Variants in FGF12 observed in about 807,000 individuals in gnomAD.
FGF12 encodes fibroblast growth factor 12.
Under a neutral mutation model 23.6 loss-of-function variants are expected in FGF12, and 14 were observed. The observed-to-expected ratio is 0.59, with a 90% CI of 0.39 to 0.93. FGF12 has a LOEUF of 0.93. Among genes scored for constraint, FGF12 ranks in the 40% least tolerant of loss-of-function variants. The pLI is 0.00. For missense variants in FGF12, 175 were observed against 217.8 expected, an observed-to-expected ratio of 0.80 and a Z score of 1.24; for synonymous variants, 62 against 77.3, an observed-to-expected ratio of 0.80 and a Z score of 1.04.
chr3:192,726,968 G>T, intron 2 of FGF12: 1 of 617,112 alleles, frequency 1.6e-6, no homozygotes, highest in East Asian at 2.8e-5. Context: ...CTACGCAACT[G>T]ATGGAGTATT....
chr3:192,549,613 T>C (rs893900757), intron 2 of FGF12, among the ~76,000 whole-genome samples: 2 of 152,086 alleles, frequency 1.3e-5, no homozygotes, highest in African/African-American at 4.8e-5. Context: ...GGTATGACTA[T>C]AGGGTGTTTC....
chr3:192,670,102 T>G (rs554030279), intron 2 of FGF12, among the ~76,000 whole-genome samples: 3 of 152,330 alleles, frequency 2.0e-5, no homozygotes, highest in South Asian at 4.1e-4. Context: ...CGAGGCTGGA[T>G]TTTTTAGTAT....
At chr3:192,395,758 G>A (rs1255249860) in intron 2 of FGF12, among the ~76,000 whole-genome samples, 2 of 152,216 alleles carry the variant, frequency 1.3e-5, no homozygotes, top group African/African-American at 4.8e-5. Flanking sequence ...GGAAGGATCT[G>A]AGAAGATCTG....
chr3:192,651,746 A>T (rs1310516921), intron 2 of FGF12, among the ~76,000 whole-genome samples: 2 of 152,200 alleles, frequency 1.3e-5, no homozygotes, highest in African/African-American at 2.4e-5. Flanking sequence ...CAGTTTTCCA[A>T]AACACTCATG....
intron 2 of FGF12, among the ~76,000 whole-genome samples, chr3:192,650,768 A>T (rs1318722336): frequency 6.6e-6 from 1 of 152,208 alleles, no homozygotes; most frequent in East Asian, 1.9e-4. Context: ...AATATTTTTT[A>T]AAATATATAA....
intron 2 of FGF12, among the ~76,000 whole-genome samples, chr3:192,665,743 C>A (rs187312891): frequency 4.0e-5 from 6 of 151,854 alleles, no homozygotes; most frequent in Non-Finnish European, 8.8e-5. Context: ...ATATAACAAA[C>A]CTGCATGTTC....
chr3:192,197,988 G>A (rs1311288456), intron 4 of FGF12, among the ~76,000 whole-genome samples: 3 of 143,156 alleles, frequency 2.1e-5, no homozygotes, highest in Non-Finnish European at 3.0e-5. Flanking sequence ...CGGGGGTCCC[G>A]AGTGCCAAAC....
chr3:192,716,350 T>G (rs1995573), intron 2 of FGF12, among the ~76,000 whole-genome samples: 4,863 of 152,326 alleles, frequency 0.032, 230 homozygotes, highest in East Asian at 0.19. Flanking sequence ...GTCAGGTTCT[T>G]TCTTCTGAAG....
intron 2 of FGF12, among the ~76,000 whole-genome samples, chr3:192,660,219 A>G (rs1577105244): frequency 6.6e-6 from 1 of 151,874 alleles, no homozygotes; most frequent in African/African-American, 2.4e-5. Flanking sequence ...AGGGACATGG[A>G]TGAAGCTGGA....
chr3:192,702,117 A>G (rs952744445), intron 2 of FGF12, among the ~76,000 whole-genome samples: 2 of 152,186 alleles, frequency 1.3e-5, no homozygotes, highest in African/African-American at 4.8e-5. Context: ...GAGATCATGC[A>G]TACTTTCCTT....
chr3:192,306,095 C>T (rs1461108429), intron 4 of FGF12, among the ~76,000 whole-genome samples: 2 of 152,096 alleles, frequency 1.3e-5, no homozygotes, highest in South Asian at 2.1e-4. Flanking sequence ...CTCCTGACCT[C>T]GTGATCCACC....
intron 2 of FGF12, among the ~76,000 whole-genome samples, chr3:192,579,318 AAC>A (rs999436241): frequency 9.9e-5 from 15 of 152,068 alleles, no homozygotes; most frequent in Admixed American, 2.0e-4. Context: ...CAATTCTTAA[AAC>A]ACACACACAC....
chr3:192,456,922 A>G (rs1367587089), intron 2 of FGF12, among the ~76,000 whole-genome samples: 1 of 152,158 alleles, frequency 6.6e-6, no homozygotes, highest in Non-Finnish European at 1.5e-5. Flanking sequence ...TCTCATCTTG[A>G]ATTATACTCC....
chr3:192,624,141 T>C (rs187887487), intron 2 of FGF12, among the ~76,000 whole-genome samples: 3 of 151,902 alleles, frequency 2.0e-5, no homozygotes, highest in East Asian at 1.9e-4. Context: ...ATACTTTCCA[T>C]AGAAATATAC....
At chr3:192,412,891 A>G (rs1721239206) in intron 2 of FGF12, among the ~76,000 whole-genome samples, 1 of 152,238 alleles carries the variant, frequency 6.6e-6, no homozygotes, top group Admixed American at 6.5e-5. Flanking sequence ...TTAAAGGGTT[A>G]TGTCCCAGGG....
chr3:192,195,803 G>A (rs995863820), intron 4 of FGF12, among the ~76,000 whole-genome samples: 1 of 152,082 alleles, frequency 6.6e-6, no homozygotes, highest in Admixed American at 6.6e-5. Flanking sequence ...CACACATTGT[G>A]AAATGGTTAA....
intron 4 of FGF12, among the ~76,000 whole-genome samples, chr3:192,197,946 CA>C (rs11328919): frequency 0.3 from 15,188 of 50,506 alleles, 838 homozygotes; most frequent in East Asian, 0.45. Flanking sequence ...AATTCCTCCT[CA>C]AAAAAAAAAA....
At chr3:192,331,326 A>C (rs922161762) in intron 4 of FGF12, among the ~76,000 whole-genome samples, 20 of 150,602 alleles carry the variant, frequency 1.3e-4, no homozygotes, top group East Asian at 3.9e-4. Flanking sequence ...AAAAAAAAAA[A>C]AAAAAACAAA....
chr3:192,454,231 G>A (rs1160991812), intron 2 of FGF12, among the ~76,000 whole-genome samples: 1 of 151,904 alleles, frequency 6.6e-6, no homozygotes, highest in Non-Finnish European at 1.5e-5. Flanking sequence ...GTAGAGATGG[G>A]GTCTCACCGT....
Sources: allele counts gnomAD v4.1 joint callset (sites outside exome capture counted in the v4.1 genomes callset), GRCh38; gene constraint gnomAD v4.1.1; transcripts MANE v1.5; gene names NCBI Gene and HGNC (gene_info 2026-07-23, HGNC 2026-07-21).